Variants in IRAG1 observed in about 807,000 individuals in gnomAD.
IRAG1 encodes the protein IP3R-associated cGMP kinase substrate.
A neutral mutation model predicts 106.2 loss-of-function variants in IRAG1; 62 were observed. The ratio of observed to expected loss-of-function variants is 0.58; its 90% confidence interval spans 0.48 to 0.72. IRAG1 has a LOEUF of 0.72. Among genes scored for constraint, IRAG1 ranks in the 30% least tolerant of loss-of-function variants. The pLI, the probability that IRAG1 is intolerant of heterozygous loss-of-function variation, is 0.00. For synonymous variants in IRAG1, 462 were observed against 443.9 expected (o/e 1.04, Z -0.51); for missense variants, 1,064 against 1,140.7 (o/e 0.93, Z 0.97).
In IRAG1 at chr11:10,581,996, A is replaced by G. The variant is rs1420295168; in HGVS notation, c.2241-10T>C. The G allele has an allele frequency of 6.2e-7, 1 of 1,611,640 alleles. No individual in the cohort carries two copies. The highest frequency in any genetic ancestry group is 1.1e-5 in the South Asian group (1 of 90,730). ...CCCATTTGTCTTTCCACTAGTGAGA[A>G]GAGGGAAGTACAGGGCATCATTTCA... is the stretch of plus-strand genomic sequence containing the variant. On this transcript the variant is annotated splice_polypyrimidine_tract_variant and intron_variant, in intron 18 of 20. Coordinates refer to ENST00000423302, the MANE Select transcript of IRAG1 (RefSeq NM_130385.4).
At chr11:10,587,617 T>G (rs1852159862) in intron 18 of IRAG1, among the ~76,000 whole-genome samples, 1 of 152,172 alleles carries the variant, frequency 6.6e-6, no homozygotes, top group Admixed American at 6.5e-5. Flanking sequence ...GATTCAGAGT[T>G]AAAATTGCTC....
chr11:10,651,907 T>C (rs1362356909), intron 2 of IRAG1, 118 bp downstream of exon 2: 12 of 1,249,726 alleles, frequency 9.6e-6, no homozygotes, highest in Non-Finnish European at 1.3e-5. Flanking sequence ...AGGTACCCAC[T>C]GCAACCTACA....
intron 1 of IRAG1, among the ~76,000 whole-genome samples, chr11:10,653,836 C>T (rs1858719013): frequency 6.6e-6 from 1 of 152,146 alleles, no homozygotes; most frequent in South Asian, 2.1e-4. Context: ...AAACTCCCTC[C>T]TTCTTTTATT....
chr11:10,692,526 TG>T (rs34632364), intron 1 of IRAG1, among the ~76,000 whole-genome samples: 34,038 of 151,936 alleles, frequency 0.22, 3,987 homozygotes, highest in Middle Eastern at 0.32. Context: ...CGTCCCTCGG[TG>T]GGGGCAATAC....
chr11:10,573,407 C>T lies in IRAG1; in HGVS notation c.*2925G>A, dbSNP rs1267412600. The T allele has an allele frequency of 6.6e-6, 1 of 152,238 alleles. No homozygotes were observed. The highest frequency in any genetic ancestry group is 2.4e-5 in the African/African-American group (1 of 41,430). 9.4% of individuals were successfully genotyped at this position (152,238 alleles called of 1,614,324 possible). A position where few individuals can be genotyped will look rare whatever the true frequency, so the allele number is the denominator to read the frequency against. On this transcript the variant is annotated 3_prime_UTR_variant, in exon 21 of 21. Coordinates refer to ENST00000423302, the MANE Select transcript of IRAG1 (RefSeq NM_130385.4). The stretch of plus-strand genomic sequence containing the variant: ...TCAGACTTCAGAGGCATTTGGGGGA[C>T]TCTTCAGATCCACATCCTCACTGAA...
At chr11:10,609,951 C>T (rs1854804100) in intron 10 of IRAG1, 100 bp from the exon 11 acceptor site, 9 of 1,166,736 alleles carry the variant, frequency 7.7e-6, no homozygotes, top group Non-Finnish European at 1.1e-5. Context: ...GTATCTAGTT[C>T]TATGTTAAGG....
intron 12 of IRAG1, among the ~76,000 whole-genome samples, chr11:10,606,289 C>G (rs1274425361): frequency 2.0e-5 from 3 of 152,316 alleles, no homozygotes; most frequent in African/African-American, 7.2e-5. Context: ...GGATTGCTGA[C>G]AGCACAGCTT....
intron 1 of IRAG1, chr11:10,658,677 CGTGCTGTGGTCAGTCCCAGGTCT>C (rs1312038986): frequency 2.1e-3 from 292 of 138,150 alleles, no homozygotes; most frequent in African/African-American, 8.8e-3. Context: ...GTCCCAGGTC[CGTGCTGTGGTCAGTCCCAGGTCT>C]GTGCTGTGGT....
In IRAG1 at chr11:10,628,602, T is replaced by A. The variant is rs867539750; in HGVS notation, c.652+149A>T. 1.5e-6 allele frequency: 1 copy of A among 657,816 alleles called. No individual in the cohort carries two copies. The highest frequency in any genetic ancestry group is 2.5e-6 in the Non-Finnish European group (1 of 406,244). 40.7% of individuals were successfully genotyped at this position (657,816 alleles called of 1,614,324 possible). On this transcript the variant is annotated intron_variant, in intron 6 of 20. Transcript: ENST00000423302. The surrounding 1 kb of genome is among the most constrained non-coding windows in gnomAD (Gnocchi z 4.1). Reference sequence around the variant, plus strand: ...TGGGTGGCCCAGCAAATGCCCCCCCTGGAGAGGGGTCTTGCTCTGGGTGTG... The same window carrying A: ...TGGGTGGCCCAGCAAATGCCCCCCCAGGAGAGGGGTCTTGCTCTGGGTGTG...
intron 2 of IRAG1, among the ~76,000 whole-genome samples, chr11:10,650,498 T>C (rs1858389798): frequency 6.6e-6 from 1 of 152,148 alleles, no homozygotes; most frequent in African/African-American, 2.4e-5. Flanking sequence ...GTACTACCAT[T>C]GTTAGTAAAG....
chr11:10,623,938 C>T (rs1044822960), intron 9 of IRAG1, 82 bp from the exon 10 acceptor site: 25 of 1,317,560 alleles, frequency 1.9e-5, no homozygotes, highest in South Asian at 4.8e-5. Context: ...TATGGTTCTG[C>T]GACCACTATC....
At chr11:10,630,492 C>A (rs10840449) in intron 4 of IRAG1, among the ~76,000 whole-genome samples, 3 of 151,850 alleles carry the variant, frequency 2.0e-5, no homozygotes, top group African/African-American at 7.3e-5. Flanking sequence ...CTGCCTCAGC[C>A]TCGCTCGTAC....
At chr11:10,591,086 C>T (rs1284683433) in intron 18 of IRAG1, among the ~76,000 whole-genome samples, 2 of 152,148 alleles carry the variant, frequency 1.3e-5, no homozygotes, top group African/African-American at 2.4e-5. Context: ...AGGTATTGTC[C>T]TGTCTGGAGG....
At chr11:10,662,183 G>A (rs972327420) in intron 1 of IRAG1, among the ~76,000 whole-genome samples, 6 of 152,118 alleles carry the variant, frequency 3.9e-5, no homozygotes, top group Non-Finnish European at 4.4e-5. Context: ...AAGGCGGGTG[G>A]ATCACTTGAA....
chr11:10,577,876 C>G (rs1329157734), intron 20 of IRAG1, among the ~76,000 whole-genome samples: 1 of 152,218 alleles, frequency 6.6e-6, no homozygotes. Context: ...AACACATTCG[C>G]TGATTTGAAA....
intron 20 of IRAG1, among the ~76,000 whole-genome samples, chr11:10,577,978 T>C (rs552813092): frequency 6.6e-6 from 1 of 152,316 alleles, no homozygotes; most frequent in Admixed American, 6.5e-5. Context: ...CTAGATTCTA[T>C]TTAGACAGAG....
chr11:10,630,560 C>G (rs1015308169), intron 4 of IRAG1, among the ~76,000 whole-genome samples: 1 of 152,146 alleles, frequency 6.6e-6, no homozygotes, highest in Non-Finnish European at 1.5e-5. Flanking sequence ...TGCCCTCAGG[C>G]GAGCTCCTCC....
At chr11:10,655,722 T>C (rs1015576952) in intron 1 of IRAG1, among the ~76,000 whole-genome samples, 2 of 152,218 alleles carry the variant, frequency 1.3e-5, no homozygotes, top group Admixed American at 1.3e-4. Flanking sequence ...GGGATTATGG[T>C]CTGAAGTCTC....
intron 2 of IRAG1, 141 bp downstream of exon 2, chr11:10,651,884 A>G (rs1368657733): frequency 2.9e-6 from 3 of 1,019,696 alleles, no homozygotes; most frequent in Admixed American, 2.9e-5. Context: ...TATGGAAGCC[A>G]CACACCTTCT....
Sources: gnomAD v4.1 joint callset for allele counts (sites outside exome capture counted in the v4.1 genomes callset) on GRCh38, gnomAD v4.1.1 for gene constraint, Gnocchi (gnomAD v3.1) non-coding constraint, MANE v1.5 for transcripts, NCBI Gene and HGNC (gene_info 2026-07-23, HGNC 2026-07-21) for gene names.